Variants in THSD4 observed in about 807,000 individuals in gnomAD.
The protein encoded by THSD4 is thrombospondin type-1 domain-containing protein 4.
In THSD4, 69 loss-of-function variants were observed where a neutral mutation model predicts 119.0. That is an observed-to-expected ratio of 0.58 (90% CI 0.48 to 0.71). THSD4 has a LOEUF of 0.71. Ranked by LOEUF, THSD4 falls within the 30% of genes least tolerant of loss-of-function variation. THSD4 has a pLI of 0.00. For synonymous variants in THSD4, 524 were observed against 540.4 expected (o/e 0.97, Z 0.42); for missense variants, 1,393 against 1,391.1 (o/e 1.00, Z -0.02).
chr15:71,134,414 C>T (rs2040530982), intron 1 of THSD4, among the ~76,000 whole-genome samples: 1 of 152,248 alleles, frequency 6.6e-6, no homozygotes, highest in Non-Finnish European at 1.5e-5. Flanking sequence ...TTAGCGCCTT[C>T]AGCGCCTTCA....
intron 7 of THSD4, among the ~76,000 whole-genome samples, chr15:71,450,348 T>C (rs1363329292): frequency 6.6e-6 from 1 of 152,088 alleles, no homozygotes; most frequent in Non-Finnish European, 1.5e-5. Context: ...GAAGATTTTT[T>C]TTTTTCTTGC....
intron 1 of THSD4, among the ~76,000 whole-genome samples, chr15:71,116,750 C>G (rs2585024): frequency 6.6e-6 from 1 of 151,980 alleles, no homozygotes; most frequent in Non-Finnish European, 1.5e-5. Flanking sequence ...CCCAGGACCC[C>G]TGACAGTCTG....
At chr15:71,113,919 G>A (rs565245266), upstream of THSD4, among the ~76,000 whole-genome samples, 4 of 142,448 alleles carry the variant, frequency 2.8e-5, no homozygotes, top group Non-Finnish European at 4.5e-5. Context: ...CTAAAGTTGC[G>A]CAGGTTTTTT....
intron 7 of THSD4, among the ~76,000 whole-genome samples, chr15:71,655,826 C>A (rs2051179448): frequency 6.6e-6 from 1 of 152,204 alleles, no homozygotes; most frequent in Non-Finnish European, 1.5e-5. Flanking sequence ...AATTGATCAG[C>A]CTCCTGATAC....
At chr15:71,551,880 G>A (rs1012750071) in intron 7 of THSD4, among the ~76,000 whole-genome samples, 7 of 152,270 alleles carry the variant, frequency 4.6e-5, no homozygotes, top group South Asian at 2.1e-4. Flanking sequence ...CAGTAGAGGC[G>A]CAGCAAGCAA....
chr15:71,443,285 C>A (rs916130901), intron 7 of THSD4, among the ~76,000 whole-genome samples: 1 of 152,136 alleles, frequency 6.6e-6, no homozygotes, highest in African/African-American at 2.4e-5. Context: ...AGGCTCTCCC[C>A]TTCTCTGGCC....
chr15:71,324,484 A>G (rs1596337438), intron 6 of THSD4, among the ~76,000 whole-genome samples: 1 of 152,176 alleles, frequency 6.6e-6, no homozygotes, highest in African/African-American at 2.4e-5. Context: ...TTGAGTCTCC[A>G]TAGTTGATTA....
chr15:71,394,972 G>A (rs1192869437), intron 6 of THSD4, among the ~76,000 whole-genome samples: 2 of 152,190 alleles, frequency 1.3e-5, no homozygotes, highest in Non-Finnish European at 2.9e-5. Flanking sequence ...GCTGAAGGTG[G>A]GTTTGTGAAG....
chr15:71,382,271 G>T (rs1227324449), intron 6 of THSD4, among the ~76,000 whole-genome samples: 3 of 152,048 alleles, frequency 2.0e-5, no homozygotes, highest in African/African-American at 7.2e-5. Flanking sequence ...ATGCCTAAAA[G>T]GTAAAGAAAA....
chr15:71,625,029 A>T (rs2140934236), intron 7 of THSD4, among the ~76,000 whole-genome samples: 1 of 151,886 alleles, frequency 6.6e-6, no homozygotes, highest in Middle Eastern at 3.4e-3. Flanking sequence ...TTTGTTTGAG[A>T]TGGAGTCTTG....
intron 7 of THSD4, among the ~76,000 whole-genome samples, chr15:71,525,426 T>C (rs1250974570): frequency 2.0e-5 from 3 of 152,170 alleles, no homozygotes; most frequent in African/African-American, 4.8e-5. Flanking sequence ...AGTGGAAATA[T>C]GCAGGAGGCA....
At chr15:71,594,451 C>T (rs2049869416) in intron 7 of THSD4, among the ~76,000 whole-genome samples, 1 of 152,172 alleles carries the variant, frequency 6.6e-6, no homozygotes, top group Admixed American at 6.5e-5. Context: ...TCATGATCCA[C>T]CCACCTCGGC....
chr15:71,215,226 G>A lies in THSD4; in HGVS notation c.291G>A (p.Ala97=), dbSNP rs78239928. ...GCGGCCAGCGGCCTGGCGCCCCTGC[G>A]CGCGCCTTCGCGGACCACGTGGTGT... is the stretch of plus-strand genomic sequence containing the variant. The part of the protein sequence containing the change: ...LRGGQRPGAP[A]RAFADHVVSA... Residue 97 remains alanine, a synonymous_variant, in exon 4 of 18, where the codon GCG becomes GCA. Transcript: ENST00000261862. The A allele has an allele frequency of 0.11, 161,923 of 1,410,700 alleles. 9,996 individuals are homozygous for A. Among genetic ancestry groups the A allele is most frequent in the African/African-American group, 0.19 (12,670 of 66,346 alleles). The allele number at this position is 1,410,700 out of a possible 1,614,324, so 87.4% of individuals were successfully genotyped here. A position where few individuals can be genotyped will look rare whatever the true frequency, so the allele number is the denominator to read the frequency against.
intron 6 of THSD4, among the ~76,000 whole-genome samples, chr15:71,325,551 C>A (rs955215724): frequency 1.3e-5 from 2 of 152,168 alleles, no homozygotes; most frequent in African/African-American, 4.8e-5. Context: ...TAAGGGAGTT[C>A]AAAACTGGGA....
rs574038250 is a variant in THSD4 at position 71,381,333 on chromosome 15, T to C, written c.1016-30354T>C. Among the ~76,000 whole-genome samples the C allele has an allele frequency of 8.9e-4, 135 of 152,354 alleles. 3 individuals carry two copies. In the South Asian group the frequency reaches 0.026, roughly 30 times the overall value. ...GGTAATTTAATTTGGATCAATCTTATGAAGTTCATTCAAATTGCATATCTT... is the reference window on the plus strand; with the variant it reads ...GGTAATTTAATTTGGATCAATCTTACGAAGTTCATTCAAATTGCATATCTT... On this transcript the variant is annotated intron_variant, in intron 6 of 17. Coordinates refer to ENST00000261862, the MANE Select transcript of THSD4 (RefSeq NM_024817.3).
intron 14 of THSD4, among the ~76,000 whole-genome samples, chr15:71,753,917 A>G (rs2053492460): frequency 6.6e-6 from 1 of 152,114 alleles, no homozygotes; most frequent in Non-Finnish European, 1.5e-5. Context: ...CTTCTTTTAA[A>G]TTAGGTATAT....
chr15:71,329,858 A>G lies in THSD4; in HGVS notation c.1015+73143A>G, dbSNP rs117638720. Among the ~76,000 whole-genome samples, 6 of 152,246 alleles carry G rather than the reference A, an allele frequency of 3.9e-5. No homozygotes were observed. The East Asian group carries it at 5.8e-4, about 15-fold the overall frequency. ...CACTTTAGGAGGCCAAGGTGGGTGA[A>G]TCTCTTGAGCCCATGAGTTTGAGAC... On this transcript the variant is annotated intron_variant, in intron 6 of 17. Transcript: ENST00000261862.
intron 7 of THSD4, among the ~76,000 whole-genome samples, chr15:71,506,204 A>G (rs145623155): frequency 3.2e-4 from 48 of 152,224 alleles, no homozygotes; most frequent in African/African-American, 1.1e-3. Flanking sequence ...TTGCTGATCT[A>G]GATCTTAGGA....
Position 71,220,805 on chromosome 15 carries a change from C to G in THSD4, c.464+5406C>G, listed in dbSNP as rs547753941. On this transcript the variant is annotated intron_variant, in intron 4 of 17. Coordinates refer to ENST00000261862, the MANE Select transcript of THSD4 (RefSeq NM_024817.3). ...TGGGTGGGACTCTGGGAAGCATAGA[C>G]TGGGTGCAGCCAAGACCCTAGTGTC... Among the ~76,000 whole-genome samples, 412 of 152,310 alleles carry G rather than the reference C, an allele frequency of 2.7e-3. 3 individuals carry two copies. The highest frequency in any genetic ancestry group is 8.7e-3 in the African/African-American group (363 of 41,564).
Sources: allele counts gnomAD v4.1 joint callset (sites outside exome capture counted in the v4.1 genomes callset), GRCh38; gene constraint gnomAD v4.1.1; transcripts MANE v1.5; gene names NCBI Gene and HGNC (gene_info 2026-07-23, HGNC 2026-07-21).